Variants in EFCAB13 observed in about 807,000 individuals in gnomAD.
EFCAB13 encodes EF-hand calcium binding domain 13.
EFCAB13 carries 91 observed loss-of-function variants against 110.2 expected under a neutral mutation model. That is an observed-to-expected ratio of 0.83 (90% CI 0.70 to 0.98). EFCAB13 has a LOEUF of 0.98. Among genes scored for constraint, EFCAB13 ranks in the 50% least tolerant of loss-of-function variants. The pLI, the probability that EFCAB13 is intolerant of heterozygous loss-of-function variation, is 0.00. For missense variants in EFCAB13, 968 were observed against 1,119.4 expected, an observed-to-expected ratio of 0.86 and a Z score of 1.93; for synonymous variants, 323 against 369.9, an observed-to-expected ratio of 0.87 and a Z score of 1.45.
intron 9 of EFCAB13, among the ~76,000 whole-genome samples, chr17:47,350,933 A>G (rs1441096678): frequency 6.6e-6 from 1 of 152,156 alleles, no homozygotes. Context: ...ATTTGTATAA[A>G]TTTAAGGGGT....
intron 23 of EFCAB13, among the ~76,000 whole-genome samples, chr17:47,424,896 T>TTTTTTTTTTTTTTTTTTTTG (rs1567807243): frequency 8.3e-5 from 7 of 84,482 alleles, no homozygotes; most frequent in African/African-American, 3.6e-4. Flanking sequence ...TTTTTTTTTT[T>TTTTTTTTTTTTTTTTTTTTG]TTTTGAGACG....
rs2065616348 is a variant in EFCAB13 at position 47,376,554 on chromosome 17, T to C, written c.1373-1212T>C. 3.9e-5 allele frequency among the ~76,000 whole-genome samples: 6 copies of C among 152,208 alleles called. No homozygotes were observed. The South Asian group carries it at 1.2e-3, about 31-fold the overall frequency. ...TGGACTTTTATGGAATATGACTGCCTGTATGATTTACATTAAAAAATTCTA... is the reference window on the plus strand; with the variant it reads ...TGGACTTTTATGGAATATGACTGCCCGTATGATTTACATTAAAAAATTCTA... On this transcript the variant is annotated intron_variant, in intron 12 of 24. Transcript: ENST00000331493.
chr17:47,363,964 A>G (rs1247835024), intron 10 of EFCAB13, among the ~76,000 whole-genome samples: 1 of 152,200 alleles, frequency 6.6e-6, no homozygotes, highest in Non-Finnish European at 1.5e-5. Context: ...TTAAGCCTTT[A>G]GGGCATGCCC....
chr17:47,419,647 C>T (rs933611834), intron 23 of EFCAB13, among the ~76,000 whole-genome samples: 6 of 152,022 alleles, frequency 3.9e-5, no homozygotes, highest in Admixed American at 3.9e-4. Flanking sequence ...ACAAAATTAT[C>T]ATTGGAGGAG....
chr17:47,368,239 A>C (rs576114316), intron 10 of EFCAB13, among the ~76,000 whole-genome samples: 1 of 152,208 alleles, frequency 6.6e-6, no homozygotes, highest in Non-Finnish European at 1.5e-5. Context: ...CAAAGTTTCT[A>C]TGGCTCCAGA....
At chr17:47,350,025 C>T (rs541900703) in intron 9 of EFCAB13, among the ~76,000 whole-genome samples, 29 of 151,976 alleles carry the variant, frequency 1.9e-4, no homozygotes, top group South Asian at 1.5e-3. Flanking sequence ...CCACCCGCCT[C>T]GGCCTCCCAA....
chr17:47,401,003 T>C (rs1333168959), intron 17 of EFCAB13, among the ~76,000 whole-genome samples: 1 of 152,238 alleles, frequency 6.6e-6, no homozygotes, highest in Non-Finnish European at 1.5e-5. Context: ...AACACTTCTA[T>C]CCTTCTCTAC....
intron 17 of EFCAB13, among the ~76,000 whole-genome samples, chr17:47,397,984 C>T (rs939008700): frequency 2.0e-5 from 3 of 149,014 alleles, no homozygotes; most frequent in Non-Finnish European, 4.5e-5. Context: ...CAGCCCCCCG[C>T]CCGGCCAGCC....
chr17:47,360,614 A>G (rs1598732825), intron 9 of EFCAB13, among the ~76,000 whole-genome samples: 1 of 152,250 alleles, frequency 6.6e-6, no homozygotes, highest in East Asian at 1.9e-4. Flanking sequence ...TGCTGTGCAG[A>G]AGCTCTTTAG....
chr17:47,330,402 C>T (rs1022123360), intron 4 of EFCAB13, among the ~76,000 whole-genome samples: 5 of 151,664 alleles, frequency 3.3e-5, no homozygotes, highest in African/African-American at 1.2e-4. Context: ...TTTTAGTGTA[C>T]CTGTTACCTG....
chr17:47,387,640 G>A (rs1567795373), intron 14 of EFCAB13, among the ~76,000 whole-genome samples: 1 of 143,032 alleles, frequency 7.0e-6, no homozygotes, highest in Non-Finnish European at 1.6e-5. Context: ...CTCACACATT[G>A]CTGTCTTATT....
At chr17:47,382,474 T>G (rs1188358996) in intron 14 of EFCAB13, among the ~76,000 whole-genome samples, 1 of 152,222 alleles carries the variant, frequency 6.6e-6, no homozygotes, top group Non-Finnish European at 1.5e-5. Flanking sequence ...GTCCATTCAG[T>G]ATGATATTGG....
chr17:47,433,301 T>C (rs1403305726), intron 24 of EFCAB13, among the ~76,000 whole-genome samples: 1 of 152,188 alleles, frequency 6.6e-6, no homozygotes, highest in East Asian at 1.9e-4. Context: ...ACATGATTTG[T>C]TACTGATGAT....
At position 47,327,468 on chromosome 17, in the gene EFCAB13, T is replaced by C. The variant is rs116678161; in HGVS notation, c.-85-801T>C. On this transcript the variant is annotated intron_variant, in intron 3 of 24. Coordinates refer to ENST00000331493, the MANE Select transcript of EFCAB13 (RefSeq NM_152347.5). ...GTGAGTCACCATACCTGGCCTTTTT[T>C]TTTATTTTTGAGACAGTCTCACTGT... Among the ~76,000 whole-genome samples the C allele has an allele frequency of 2.3e-3, 345 of 151,488 alleles. 1 individual carries two copies. The highest frequency in any genetic ancestry group is 7.8e-3 in the African/African-American group (321 of 41,238).
At position 47,324,088 on chromosome 17, in the gene EFCAB13, T is replaced by TG. The variant is rs1350365334; in HGVS notation, c.-318+19dup. 5.4e-5 allele frequency: 8 copies of TG among 148,142 alleles called. No individual in the cohort carries two copies. Among genetic ancestry groups the TG allele is most frequent in the African/African-American group, 2.0e-4 (8 of 39,624 alleles). 9.2% of individuals were successfully genotyped at this position (148,142 alleles called of 1,614,324 possible). On this transcript the variant is annotated intron_variant, in intron 1 of 24. Coordinates refer to ENST00000331493, the MANE Select transcript of EFCAB13 (RefSeq NM_152347.5). ...CAGCTCGGGCCGGTAGTGGGACCCT[T>TG]GGGGGACAGAGGTGGGGAGGGGAGG...
At chr17:47,353,418 C>G (rs2065464208) in intron 9 of EFCAB13, among the ~76,000 whole-genome samples, 1 of 151,962 alleles carries the variant, frequency 6.6e-6, no homozygotes, top group Admixed American at 6.6e-5. Context: ...CCTCAGCCTC[C>G]CAAGTAACTG....
intron 8 of EFCAB13, among the ~76,000 whole-genome samples, chr17:47,347,359 T>C (rs1406455773): frequency 6.6e-6 from 1 of 152,166 alleles, no homozygotes; most frequent in Admixed American, 6.5e-5. Flanking sequence ...ACCAAAAAAT[T>C]CAGTTCAATA....
rs575746516 is a variant in EFCAB13, at chr17:47,403,605, A to G, written c.2018-273A>G. ...TTGATATCATTAGAGGTCCACAGCA[A>G]AATAATTACTTTGTATAATTGCAGT... On this transcript the variant is annotated intron_variant, in intron 18 of 24. Coordinates refer to ENST00000331493, the MANE Select transcript of EFCAB13 (RefSeq NM_152347.5). 5.1e-4 allele frequency among the ~76,000 whole-genome samples: 78 copies of G among 152,342 alleles called. 1 individual carries two copies. The South Asian group carries it at 6.8e-3, about 13-fold the overall frequency.
chr17:47,377,887 A>G lies in EFCAB13; in HGVS notation c.1494A>G (p.Thr498=). 6.3e-7 allele frequency: 1 copy of G among 1,586,670 alleles called. No homozygotes were observed. The highest frequency in any genetic ancestry group is 1.7e-4 in the Middle Eastern group (1 of 5,984). ...ATGAAGAATTCCAGAAGATTGTGAC[A>G]GACACTAGTAGAAATGGTGAGAGAC... is the stretch of plus-strand genomic sequence containing the variant. ...LLDEEFQKIV[T]DTSRNENGMV... is the part of the protein sequence containing the mutation. The change falls in exon 13 of 25, where the codon ACA becomes ACG. Residue 498 remains threonine (T), a synonymous_variant. Coordinates refer to ENST00000331493, the MANE Select transcript of EFCAB13 (RefSeq NM_152347.5).
Sources: gnomAD v4.1 joint callset for allele counts (sites outside exome capture counted in the v4.1 genomes callset) on GRCh38, gnomAD v4.1.1 for gene constraint, MANE v1.5 for transcripts, NCBI Gene and HGNC (gene_info 2026-07-23, HGNC 2026-07-21) for gene names.